Variants in ANK3 observed in about 807,000 individuals in gnomAD.
The protein encoded by ANK3 is ankyrin-3.
In ANK3, 57 loss-of-function variants were observed where a neutral mutation model predicts 370.9. That is an observed-to-expected ratio of 0.15 (90% CI 0.12 to 0.19). The LOEUF (loss-of-function observed/expected upper bound fraction) is 0.19. Among genes scored for constraint, ANK3 ranks in the 10% least tolerant of loss-of-function variants. ANK3 has a pLI of 1.00. For missense variants in ANK3, 4,439 were observed against 5,302.1 expected, an observed-to-expected ratio of 0.84 and a Z score of 5.06; for synonymous variants, 1,929 against 1,946.3, an observed-to-expected ratio of 0.99 and a Z score of 0.23.
At position 60,203,095 on chromosome 10, in the gene ANK3, G is replaced by T. The variant is rs748132753; in HGVS notation, c.1299C>A (p.Gly433=). 4 of 1,612,104 alleles carry T rather than the reference G, an allele frequency of 2.5e-6. No homozygotes were observed. Among genetic ancestry groups the T allele is most frequent in the East Asian group, 2.2e-5 (1 of 44,854 alleles). ...AGGCAGCAACATGGATTGGGGTAAGGCCCGACTAAGGGGAAAAGAAGAAAA... is the reference window on the plus strand; with the variant it reads ...AGGCAGCAACATGGATTGGGGTAAGTCCCGACTAAGGGGAAAAGAAGAAAA... ...GASIQAVTES[G]LTPIHVAAFM... is the part of the protein sequence containing the mutation. The change falls in exon 12 of 44, where the codon GGC becomes GGA. Residue 433 remains glycine (G), a synonymous_variant. Coordinates refer to ENST00000280772, the MANE Select transcript of ANK3 (RefSeq NM_020987.5).
chr10:60,514,277 G>A (rs555589360), intron 2 of ANK3, among the ~76,000 whole-genome samples: 4 of 152,150 alleles, frequency 2.6e-5, no homozygotes, highest in South Asian at 4.2e-4. Flanking sequence ...TCAGTGCCCC[G>A]GCCCCCTCTC....
intron 2 of ANK3, among the ~76,000 whole-genome samples, chr10:60,473,549 TAAG>T (rs2133086694): frequency 6.6e-6 from 1 of 152,168 alleles, no homozygotes; most frequent in East Asian, 1.9e-4. Context: ...ATGAAGATAA[TAAG>T]AAGATGAGTA....
At chr10:60,487,118 A>T (rs1482777750) in intron 2 of ANK3, among the ~76,000 whole-genome samples, 2 of 152,200 alleles carry the variant, frequency 1.3e-5, no homozygotes, top group Non-Finnish European at 1.5e-5. Context: ...AATTCTTGAG[A>T]GGGGAAAATA....
intron 1 of ANK3, among the ~76,000 whole-genome samples, chr10:60,689,754 CAA>C (rs10676088): frequency 1.8e-4 from 20 of 108,256 alleles, no homozygotes; most frequent in Admixed American, 2.6e-4. Flanking sequence ...GACTTCATCT[CAA>C]AAAAAAAAAA....
At position 60,413,004 on chromosome 10, in the gene ANK3, T is replaced by C. The variant is rs534248700; in HGVS notation, c.97-133365A>G. Among the ~76,000 whole-genome samples, 11 of 152,364 alleles carry C rather than the reference T, an allele frequency of 7.2e-5. 1 individual carries two copies. The South Asian group carries it at 2.3e-3, about 32-fold the overall frequency. ...AAAGGTTGGATCATCCACTAAAGTC[T>C]ACTCATTAATAATCCTTCCTTCTAG... On this transcript the variant is annotated intron_variant, in intron 2 of 43. Coordinates refer to the ANK3 transcript ENST00000373827.
intron 1 of ANK3, among the ~76,000 whole-genome samples, chr10:60,366,288 A>G (rs1224188790): frequency 6.6e-6 from 1 of 152,162 alleles, no homozygotes; most frequent in Non-Finnish European, 1.5e-5. Flanking sequence ...AGCTGAGATC[A>G]TGCCACTGTA....
chr10:60,237,365 C>T (rs921927050), intron 7 of ANK3, among the ~76,000 whole-genome samples: 2 of 152,140 alleles, frequency 1.3e-5, no homozygotes, highest in Admixed American at 6.5e-5. Context: ...CCAAGTGGGA[C>T]GTGACACGAA....
chr10:60,380,814 A>C (rs2061455650), intron 1 of ANK3, among the ~76,000 whole-genome samples: 1 of 152,200 alleles, frequency 6.6e-6, no homozygotes, highest in Non-Finnish European at 1.5e-5. Flanking sequence ...GGAGCGTTTG[A>C]ATACACTGAT....
intron 2 of ANK3, among the ~76,000 whole-genome samples, chr10:60,594,118 A>C (rs2077954890): frequency 6.6e-6 from 1 of 152,226 alleles, no homozygotes; most frequent in Admixed American, 6.5e-5. Flanking sequence ...CATAATTTTC[A>C]TATGAAACAT....
chr10:60,039,985 T>G (rs1198339903), intron 43 of ANK3, among the ~76,000 whole-genome samples: 1 of 152,194 alleles, frequency 6.6e-6, no homozygotes, highest in East Asian at 1.9e-4. Flanking sequence ...AGCCTTAATA[T>G]CCTCATCTGT....
At chr10:60,415,922 C>G (rs2063655158) in intron 2 of ANK3, among the ~76,000 whole-genome samples, 1 of 113,986 alleles carries the variant, frequency 8.8e-6, no homozygotes, top group African/African-American at 3.5e-5. Flanking sequence ...TTGTGCCCCC[C>G]ACCCCCCCGC....
At chr10:60,332,913 G>T (rs1161199601) in intron 1 of ANK3, among the ~76,000 whole-genome samples, 1 of 152,100 alleles carries the variant, frequency 6.6e-6, no homozygotes, top group Non-Finnish European at 1.5e-5. Flanking sequence ...ATAGAAATAA[G>T]AATAAACCAC....
intron 2 of ANK3, among the ~76,000 whole-genome samples, chr10:60,547,172 C>T (rs1351896555): frequency 6.9e-6 from 1 of 144,330 alleles, no homozygotes; most frequent in Non-Finnish European, 1.5e-5. Context: ...CTCACTGAAA[C>T]CTCCACCTCC....
chr10:60,701,408 G>GA (rs200538096), intron 1 of ANK3, among the ~76,000 whole-genome samples: 6,127 of 142,640 alleles, frequency 0.043, 162 homozygotes, highest in Middle Eastern at 0.076. Flanking sequence ...AGATACACTA[G>GA]AAAAAAAAAC....
chr10:60,032,191 C>CTTTTTTTTTTTTTTT (rs1564505236), intron 43 of ANK3, among the ~76,000 whole-genome samples: 5 of 57,932 alleles, frequency 8.6e-5, no homozygotes, highest in African/African-American at 1.8e-4. Context: ...AAATACACAG[C>CTTTTTTTTTTTTTTT]TTCTTTTTTT....
intron 1 of ANK3, among the ~76,000 whole-genome samples, chr10:60,344,388 AC>A (rs1308507049): frequency 6.6e-6 from 1 of 152,214 alleles, no homozygotes; most frequent in Non-Finnish European, 1.5e-5. Context: ...TAATATAGTT[AC>A]TAATCCAGAT....
At chr10:60,174,305 T>C (rs1338169112) in intron 18 of ANK3, among the ~76,000 whole-genome samples, 1 of 152,232 alleles carries the variant, frequency 6.6e-6, no homozygotes, top group Non-Finnish European at 1.5e-5. Context: ...CTGACCAGAC[T>C]GTCCCTGGAA....
chr10:60,489,192 T>C (rs1432695529), intron 2 of ANK3, among the ~76,000 whole-genome samples: 1 of 152,176 alleles, frequency 6.6e-6, no homozygotes, highest in Non-Finnish European at 1.5e-5. Flanking sequence ...CATGTGCAGT[T>C]ACCCTGTGCC....
At chr10:60,394,216 G>T (rs1227788066), upstream of ANK3, among the ~76,000 whole-genome samples, 2 of 150,164 alleles carry the variant, frequency 1.3e-5, no homozygotes, top group East Asian at 3.9e-4. Context: ...GAAGGAAAAG[G>T]AAAGAAAACA....
Sources: allele counts gnomAD v4.1 joint callset (sites outside exome capture counted in the v4.1 genomes callset), GRCh38; gene constraint gnomAD v4.1.1; transcripts MANE v1.5; gene names NCBI Gene and HGNC (gene_info 2026-07-23, HGNC 2026-07-21).